Variants in NKAIN3 observed in about 807,000 individuals in gnomAD.
NKAIN3 encodes sodium/potassium-transporting ATPase subunit beta-1-interacting protein 3.
A neutral mutation model predicts 30.2 loss-of-function variants in NKAIN3; 25 were observed. That is an observed-to-expected ratio of 0.83 (90% CI 0.60 to 1.16). The LOEUF (loss-of-function observed/expected upper bound fraction) is 1.16, where lower values mean the gene tolerates loss of function less well. Among genes scored for constraint, NKAIN3 ranks in the 50% most tolerant of loss-of-function variants. The pLI is 0.00. For synonymous variants in NKAIN3, 91 were observed against 89.6 expected (o/e 1.02, Z -0.09); for missense variants, 225 against 254.1 (o/e 0.89, Z 0.78).
intron 1 of NKAIN3, among the ~76,000 whole-genome samples, chr8:62,340,433 A>G (rs973339115): frequency 6.6e-6 from 1 of 151,886 alleles, no homozygotes; most frequent in Non-Finnish European, 1.5e-5. Flanking sequence ...TTTGGGGAAA[A>G]GGAATTCTAG....
intron 1 of NKAIN3, among the ~76,000 whole-genome samples, chr8:62,345,394 CATATACACATATATGT>C (rs1815919242): frequency 2.6e-4 from 3 of 11,358 alleles, no homozygotes; most frequent in Admixed American, 1.0e-3. Flanking sequence ...TATATACACA[CATATACACATATATGT>C]ATATATACAC....
At chr8:62,610,696 C>G (rs2130184231) in intron 3 of NKAIN3, among the ~76,000 whole-genome samples, 1 of 152,234 alleles carries the variant, frequency 6.6e-6, no homozygotes, top group East Asian at 1.9e-4. Flanking sequence ...CTTTTTCTTT[C>G]TTACTTTCTA....
chr8:62,269,378 T>C (rs143974934), intron 1 of NKAIN3, among the ~76,000 whole-genome samples: 35 of 152,318 alleles, frequency 2.3e-4, no homozygotes, highest in African/African-American at 8.2e-4. Context: ...GAATTCTTTC[T>C]TGATCTTATA....
intron 4 of NKAIN3, among the ~76,000 whole-genome samples, chr8:62,918,050 T>G (rs4535732): frequency 6.6e-6 from 1 of 152,082 alleles, no homozygotes; most frequent in Non-Finnish European, 1.5e-5. Flanking sequence ...AAGCAACATG[T>G]TTTGATTCCT....
intron 4 of NKAIN3, among the ~76,000 whole-genome samples, chr8:62,842,498 T>C (rs1251273458): frequency 6.6e-6 from 1 of 152,178 alleles, no homozygotes; most frequent in East Asian, 1.9e-4. Context: ...TTTTCAAAAA[T>C]GGAAAAATCA....
chr8:62,995,422 G>A (rs1321540111), intron 5 of NKAIN3, among the ~76,000 whole-genome samples: 3 of 152,244 alleles, frequency 2.0e-5, no homozygotes, highest in African/African-American at 7.2e-5. Flanking sequence ...CAGTGGTATA[G>A]ATGAATGCTA....
chr8:62,562,891 T>C (rs1035388218), intron 1 of NKAIN3, among the ~76,000 whole-genome samples: 101 of 152,132 alleles, frequency 6.6e-4, no homozygotes, highest in African/African-American at 2.0e-3. Context: ...CAAATAAACA[T>C]GAGAAAAGGT....
chr8:62,801,910 A>G (rs1287062602), intron 4 of NKAIN3, among the ~76,000 whole-genome samples: 1 of 152,216 alleles, frequency 6.6e-6, no homozygotes, highest in Non-Finnish European at 1.5e-5. Context: ...TAACCAATAC[A>G]GAGAAGTGCT....
At chr8:62,385,665 T>C (rs1354171602) in intron 1 of NKAIN3, among the ~76,000 whole-genome samples, 4 of 152,196 alleles carry the variant, frequency 2.6e-5, no homozygotes. Context: ...ACCCTGAAAT[T>C]TCCTCATATT....
chr8:62,780,830 T>C (rs1817334300), intron 4 of NKAIN3, among the ~76,000 whole-genome samples: 2 of 152,094 alleles, frequency 1.3e-5, no homozygotes, highest in Admixed American at 6.5e-5. Context: ...CCATAGCTAA[T>C]ATACTGAATG....
At chr8:62,599,621 A>G (rs1425162357) in intron 3 of NKAIN3, among the ~76,000 whole-genome samples, 1 of 152,080 alleles carries the variant, frequency 6.6e-6, no homozygotes, top group Non-Finnish European at 1.5e-5. Context: ...ATTTATTACT[A>G]TGCAAGAGCT....
At chr8:62,486,631 A>G (rs1242791903) in intron 1 of NKAIN3, among the ~76,000 whole-genome samples, 1 of 152,208 alleles carries the variant, frequency 6.6e-6, no homozygotes, top group Non-Finnish European at 1.5e-5. Flanking sequence ...TGAAAAAGTA[A>G]TACCCTTTAT....
At chr8:62,711,588 TTTA>T (rs1814719572) in intron 3 of NKAIN3, among the ~76,000 whole-genome samples, 1 of 39,220 alleles carries the variant, frequency 2.5e-5, no homozygotes, top group Non-Finnish European at 6.9e-5. Context: ...TCCTGAATTG[TTTA>T]TTGTTTTTTT....
At chr8:62,406,048 A>G (rs988594767) in intron 1 of NKAIN3, among the ~76,000 whole-genome samples, 4 of 152,224 alleles carry the variant, frequency 2.6e-5, no homozygotes, top group Admixed American at 6.5e-5. Context: ...GGCTCACTAC[A>G]GTAAAACCAA....
chr8:62,695,382 G>A (rs1337051188), intron 3 of NKAIN3, among the ~76,000 whole-genome samples: 2 of 152,166 alleles, frequency 1.3e-5, no homozygotes, highest in African/African-American at 4.8e-5. Context: ...GTGAATCAGA[G>A]AGAAAGCCAC....
chr8:62,595,774 T>A lies in NKAIN3; in HGVS notation c.273+5980T>A, dbSNP rs540897386. On this transcript the variant is annotated intron_variant, in intron 3 of 6. Transcript: ENST00000623646. ...TTGAATTGGGGTGTAGTAGGGGTTG[T>A]GCAGTTGAGATTTCCTCGGGAGGGG... Among the ~76,000 whole-genome samples the A allele has an allele frequency of 1.9e-3, 286 of 152,052 alleles. 1 individual carries two copies. The highest frequency in any genetic ancestry group is 6.7e-3 in the African/African-American group (280 of 41,494).
chr8:62,882,207 CCTT>C (rs1322182683), intron 4 of NKAIN3, among the ~76,000 whole-genome samples: 2 of 152,134 alleles, frequency 1.3e-5, no homozygotes, highest in African/African-American at 2.4e-5. Flanking sequence ...CTTATCTTCT[CCTT>C]CTCTTGAAAC....
At chr8:62,403,153 T>A (rs753727897) in intron 1 of NKAIN3, among the ~76,000 whole-genome samples, 3 of 152,188 alleles carry the variant, frequency 2.0e-5, no homozygotes, top group African/African-American at 4.8e-5. Context: ...CCTAAATATT[T>A]GTGCAACTTT....
rs568964725 is a variant in NKAIN3, at chr8:62,723,612, T to G, written c.274-23320T>G. ...AAATGTATACTTATTTTTAAAAAAA[T>G]TACCTGTAGCTGAATCTTATCATAT... is the stretch of plus-strand genomic sequence containing the variant. On this transcript the variant is annotated intron_variant, in intron 3 of 6. Transcript: ENST00000623646. Among the ~76,000 whole-genome samples, 6 of 152,184 alleles carry G rather than the reference T, an allele frequency of 3.9e-5. No homozygotes were observed. In the South Asian group the frequency reaches 1.2e-3, roughly 32 times the overall value.
Sources: allele counts gnomAD v4.1 joint callset (sites outside exome capture counted in the v4.1 genomes callset), GRCh38; gene constraint gnomAD v4.1.1; transcripts MANE v1.5; gene names NCBI Gene and HGNC (gene_info 2026-07-23, HGNC 2026-07-21).